ATP8B4: variants seen among roughly 807,000 people sequenced by gnomAD.
ATP8B4 encodes probable phospholipid-transporting ATPase IM.
Under a neutral mutation model 145.6 loss-of-function variants are expected in ATP8B4, and 133 were observed. The ratio of observed to expected loss-of-function variants is 0.91; its 90% CI spans 0.79 to 1.05. The LOEUF (loss-of-function observed/expected upper bound fraction) is 1.05, where lower values mean the gene tolerates loss of function less well. Ranked by LOEUF, ATP8B4 falls within the 50% of genes least tolerant of loss-of-function variation. ATP8B4 has a pLI of 0.00. For synonymous variants in ATP8B4, 507 were observed against 492.9 expected (o/e 1.03, Z -0.38); for missense variants, 1,458 against 1,425.2 (o/e 1.02, Z -0.37).
At chr15:49,913,680 A>G (rs1011092180) in intron 20 of ATP8B4, among the ~76,000 whole-genome samples, 3 of 152,266 alleles carry the variant, frequency 2.0e-5, no homozygotes, top group South Asian at 2.1e-4. Flanking sequence ...AAGTTTCAGG[A>G]TACAAAATCA....
At chr15:49,989,402 C>T (rs1158536674) in intron 9 of ATP8B4, among the ~76,000 whole-genome samples, 1 of 149,878 alleles carries the variant, frequency 6.7e-6, no homozygotes, top group African/African-American at 2.5e-5. Flanking sequence ...CTCAATTTCT[C>T]AGGCTTCAAA....
intron 23 of ATP8B4, among the ~76,000 whole-genome samples, chr15:49,881,604 A>C (rs2035432054): frequency 6.6e-6 from 1 of 152,150 alleles, no homozygotes; most frequent in Non-Finnish European, 1.5e-5. Flanking sequence ...TAATGCACTC[A>C]ATGTGGCATG....
In ATP8B4 at chr15:50,136,406, A is replaced by G. The variant is rs547949682; in HGVS notation, c.-42-29398T>C. ...ATTGTGTGCATCTATAAAATGTCAA[A>G]ACATCCAGGAGAAAAATTAAAAAGC... On this transcript the variant is annotated intron_variant, in intron 1 of 3. Coordinates refer to the ATP8B4 transcript ENST00000558829. 2.6e-5 allele frequency among the ~76,000 whole-genome samples: 4 copies of G among 152,342 alleles called. No individual in the cohort carries two copies. The South Asian group carries it at 8.3e-4, about 32-fold the overall frequency.
At chr15:50,121,119 T>C (rs2057265800), upstream of ATP8B4, among the ~76,000 whole-genome samples, 1 of 152,178 alleles carries the variant, frequency 6.6e-6, no homozygotes, top group African/African-American at 2.4e-5. Flanking sequence ...TTTTAAAAAA[T>C]ATTTTAAATG....
chr15:50,022,153 C>T (rs964203887), intron 6 of ATP8B4, among the ~76,000 whole-genome samples: 1 of 100,988 alleles, frequency 9.9e-6, no homozygotes, highest in Non-Finnish European at 1.8e-5. Context: ...TGTATATTTG[C>T]CACAAAAAAA....
chr15:49,945,868 AT>A (rs1335951222), intron 14 of ATP8B4, among the ~76,000 whole-genome samples: 1 of 152,330 alleles, frequency 6.6e-6, no homozygotes, highest in African/African-American at 2.4e-5. Flanking sequence ...TAAAGTCCAT[AT>A]ATGAAAAACC....
chr15:49,881,004 C>T (rs1186396771), intron 23 of ATP8B4, among the ~76,000 whole-genome samples: 4 of 151,922 alleles, frequency 2.6e-5, no homozygotes, highest in Non-Finnish European at 5.9e-5. Context: ...CCCAGCTACT[C>T]GGGAGGCTGA....
chr15:50,111,624 C>T (rs888212749), intron 1 of ATP8B4, among the ~76,000 whole-genome samples: 1 of 152,152 alleles, frequency 6.6e-6, no homozygotes, highest in African/African-American at 2.4e-5. Context: ...TCCTTTGGGG[C>T]CACACGCCCT....
At chr15:49,998,470 T>A (rs1035052286) in intron 8 of ATP8B4, among the ~76,000 whole-genome samples, 1 of 152,244 alleles carries the variant, frequency 6.6e-6, no homozygotes, top group African/African-American at 2.4e-5. Context: ...TAGTTTAGAT[T>A]TGCATTTCTC....
intron 1 of ATP8B4, among the ~76,000 whole-genome samples, chr15:50,168,044 T>TA (rs1485250183): frequency 2.0e-5 from 3 of 150,972 alleles, no homozygotes. Context: ...AGAAAAACAA[T>TA]AAAAAGCTGA....
At chr15:50,073,019 T>TACACAC (rs373934302) in intron 3 of ATP8B4, among the ~76,000 whole-genome samples, 667 of 32,214 alleles carry the variant, frequency 0.021, 9 homozygotes, top group Middle Eastern at 0.059. Context: ...TATATATATA[T>TACACAC]ACACACACAC....
intron 20 of ATP8B4, among the ~76,000 whole-genome samples, chr15:49,915,013 T>G (rs188032052): frequency 7.3e-4 from 111 of 152,262 alleles, no homozygotes; most frequent in Non-Finnish European, 1.4e-3. Flanking sequence ...CACCCCATGT[T>G]TACTGTAGCA....
intron 2 of ATP8B4, among the ~76,000 whole-genome samples, chr15:50,087,519 G>T (rs8037701): frequency 0.017 from 2,633 of 150,502 alleles, 76 homozygotes; most frequent in African/African-American, 0.061. Context: ...TGTATGACAT[G>T]ATATGCTTAT....
intron 24 of ATP8B4, among the ~76,000 whole-genome samples, chr15:49,877,005 A>G (rs1034260931): frequency 6.6e-6 from 1 of 152,154 alleles, no homozygotes; most frequent in Non-Finnish European, 1.5e-5. Flanking sequence ...ATGACTTTGG[A>G]GGGAAGTGAG....
chr15:49,965,807 C>T (rs899535596), intron 13 of ATP8B4, among the ~76,000 whole-genome samples: 13 of 152,152 alleles, frequency 8.5e-5, no homozygotes, highest in African/African-American at 3.1e-4. Flanking sequence ...AAAACAGAAT[C>T]ACACAGCTGG....
chr15:49,897,206 A>T, intron 23 of ATP8B4, 86 bp downstream of exon 23: 1 of 1,261,984 alleles, frequency 7.9e-7, no homozygotes, highest in Non-Finnish European at 1.1e-6. Flanking sequence ...TGAATTTATT[A>T]GTAAAGAGCT....
chr15:49,875,147 C>G (rs535233798), intron 25 of ATP8B4, among the ~76,000 whole-genome samples: 2 of 152,308 alleles, frequency 1.3e-5, no homozygotes, highest in East Asian at 3.9e-4. Context: ...ATGCTTGTTA[C>G]ATGTCACACC....
chr15:50,158,190 T>C lies in ATP8B4; in HGVS notation c.-43+24071A>G, dbSNP rs1300216608. Reference sequence around the variant, plus strand: ...CCCAGCCGCCACCCCGTCTGGGAAGTGAGGAGCGTCTCTGCCTGGCCGCCC... The same window carrying C: ...CCCAGCCGCCACCCCGTCTGGGAAGCGAGGAGCGTCTCTGCCTGGCCGCCC... On this transcript the variant is annotated intron_variant, in intron 1 of 3. Transcript: ENST00000558829. 3.9e-5 allele frequency among the ~76,000 whole-genome samples: 6 copies of C among 152,260 alleles called. No homozygotes were observed. In the South Asian group the frequency reaches 1.2e-3, roughly 32 times the overall value.
intron 1 of ATP8B4, among the ~76,000 whole-genome samples, chr15:50,141,900 T>C (rs1278258518): frequency 6.6e-6 from 1 of 152,128 alleles, no homozygotes; most frequent in Non-Finnish European, 1.5e-5. Context: ...TGCACAGCAC[T>C]GTGAGAGAGG....
Sources: gnomAD v4.1 joint callset for allele counts (sites outside exome capture counted in the v4.1 genomes callset) on GRCh38, gnomAD v4.1.1 for gene constraint, MANE v1.5 for transcripts, NCBI Gene and HGNC (gene_info 2026-07-23, HGNC 2026-07-21) for gene names.